PRKG1: variants seen among roughly 807,000 people sequenced by gnomAD.
PRKG1 encodes the protein protein kinase cGMP-dependent 1.
Under a neutral mutation model 88.1 loss-of-function variants are expected in PRKG1, and 35 were observed. The observed-to-expected ratio is 0.40, with a 90% CI of 0.30 to 0.53. PRKG1 has a LOEUF of 0.53. Ranked by LOEUF, PRKG1 falls within the 20% of genes least tolerant of loss-of-function variation. PRKG1 has a pLI of 0.59. For missense variants in PRKG1, 540 were observed against 839.8 expected (o/e 0.64, Z 4.41); for synonymous variants, 303 against 292.5 (o/e 1.04, Z -0.37).
intron 2 of PRKG1, among the ~76,000 whole-genome samples, chr10:51,235,863 A>G (rs1838974135): frequency 6.6e-6 from 1 of 152,354 alleles, no homozygotes; most frequent in East Asian, 1.9e-4. Flanking sequence ...AAAAATAAAA[A>G]AAAAGAGAGA....
intron 5 of PRKG1, among the ~76,000 whole-genome samples, chr10:51,983,803 C>G (rs931238790): frequency 6.6e-6 from 1 of 152,206 alleles, no homozygotes; most frequent in Non-Finnish European, 1.5e-5. Context: ...GCGAGAAGAG[C>G]TTGCGCCTTT....
At chr10:51,844,067 A>G (rs940172241) in intron 4 of PRKG1, among the ~76,000 whole-genome samples, 15 of 152,074 alleles carry the variant, frequency 9.9e-5, no homozygotes, top group Non-Finnish European at 2.2e-4. Flanking sequence ...TATTCTCAGA[A>G]ATGAGTTTTT....
chr10:52,277,275 T>G (rs1295736235), intron 12 of PRKG1, among the ~76,000 whole-genome samples: 1 of 151,988 alleles, frequency 6.6e-6, no homozygotes, highest in Non-Finnish European at 1.5e-5. Context: ...TTCTTCAGAG[T>G]TGATTTGTGG....
intron 3 of PRKG1, among the ~76,000 whole-genome samples, chr10:51,784,190 G>C (rs1297108503): frequency 6.6e-6 from 1 of 152,040 alleles, no homozygotes; most frequent in African/African-American, 2.4e-5. Flanking sequence ...CGGCCCTGCA[G>C]AGTCTCTTAG....
intron 3 of PRKG1, among the ~76,000 whole-genome samples, chr10:51,571,694 G>A (rs1687759212): frequency 6.6e-6 from 1 of 151,900 alleles, no homozygotes; most frequent in South Asian, 2.1e-4. Flanking sequence ...GACACTTAGG[G>A]AATATGAAAT....
At chr10:51,587,631 T>C (rs1175280323) in intron 3 of PRKG1, among the ~76,000 whole-genome samples, 1 of 152,198 alleles carries the variant, frequency 6.6e-6, no homozygotes, top group Non-Finnish European at 1.5e-5. Context: ...GTAGGATTAC[T>C]CTCTAGAGCA....
At chr10:52,248,577 A>T in intron 9 of PRKG1, among the ~76,000 whole-genome samples, 1 of 152,170 alleles carries the variant, frequency 6.6e-6, no homozygotes, top group Non-Finnish European at 1.5e-5. Context: ...AAGACTAGCA[A>T]AGCGTGATTA....
chr10:52,199,614 G>A (rs1310883430), intron 9 of PRKG1, among the ~76,000 whole-genome samples: 3 of 152,062 alleles, frequency 2.0e-5, no homozygotes, highest in Admixed American at 1.3e-4. Context: ...CAGCTTTGCC[G>A]GAGCCCTACA....
intron 3 of PRKG1, among the ~76,000 whole-genome samples, chr10:51,514,298 TTGTC>T (rs754070807): frequency 2.0e-5 from 3 of 152,188 alleles, no homozygotes; most frequent in African/African-American, 4.8e-5. Flanking sequence ...TTTTATTTCT[TTGTC>T]TGGGTCGTGG....
intron 3 of PRKG1, among the ~76,000 whole-genome samples, chr10:51,746,159 C>A (rs2132500638): frequency 6.6e-6 from 1 of 152,282 alleles, no homozygotes; most frequent in South Asian, 2.1e-4. Flanking sequence ...TGAATACAAT[C>A]TTTAAAAGCA....
intron 9 of PRKG1, among the ~76,000 whole-genome samples, chr10:52,174,554 T>C (rs1332446055): frequency 6.6e-6 from 1 of 152,042 alleles, no homozygotes; most frequent in East Asian, 1.9e-4. Context: ...ATTACCGTAC[T>C]TCAAATTTTA....
At chr10:51,319,736 A>G (rs1373066843) in intron 2 of PRKG1, 1 of 152,246 alleles carries the variant, frequency 6.6e-6, no homozygotes, top group Non-Finnish European at 1.5e-5. Context: ...TCAAAAAGAA[A>G]GGTTGCTCTT....
intron 9 of PRKG1, among the ~76,000 whole-genome samples, chr10:52,241,174 G>A (rs530633945): frequency 7.2e-5 from 11 of 152,170 alleles, no homozygotes; most frequent in South Asian, 2.1e-4. Flanking sequence ...CCTGTTTTGC[G>A]TACCAGGAGT....
chr10:51,945,320 C>A, intron 5 of PRKG1, among the ~76,000 whole-genome samples: 1 of 151,048 alleles, frequency 6.6e-6, no homozygotes, highest in East Asian at 2.0e-4. Flanking sequence ...AGATCTTCCT[C>A]CATCCTTTTA....
chr10:51,047,103 G>T (rs1307638233), intron 1 of PRKG1, among the ~76,000 whole-genome samples: 1 of 152,190 alleles, frequency 6.6e-6, no homozygotes, highest in Admixed American at 6.5e-5. Flanking sequence ...CACGTGCATT[G>T]TAGAGTGTTT....
intron 4 of PRKG1, among the ~76,000 whole-genome samples, chr10:51,810,307 G>T (rs1439492742): frequency 2.0e-5 from 3 of 152,150 alleles, no homozygotes; most frequent in African/African-American, 4.8e-5. Context: ...CTGATCATAT[G>T]GTTTGGCCCC....
intron 2 of PRKG1, among the ~76,000 whole-genome samples, chr10:51,390,248 G>T (rs895975799): frequency 2.0e-5 from 3 of 152,170 alleles, no homozygotes; most frequent in Admixed American, 2.0e-4. Context: ...GGAATCACTG[G>T]GTGAGGCTCT....
intron 3 of PRKG1, among the ~76,000 whole-genome samples, chr10:51,469,255 C>G (rs928013974): frequency 6.6e-6 from 1 of 151,654 alleles, no homozygotes; most frequent in Non-Finnish European, 1.5e-5. Context: ...ATAAAAAAGA[C>G]CAGAATAGCA....
intron 1 of PRKG1, among the ~76,000 whole-genome samples, chr10:51,009,765 T>C (rs915291302): frequency 3.3e-5 from 5 of 152,252 alleles, no homozygotes; most frequent in African/African-American, 7.2e-5. Context: ...TTTCTGGGAA[T>C]GGTTTTGGAC....
Sources: allele counts gnomAD v4.1 joint callset (sites outside exome capture counted in the v4.1 genomes callset), GRCh38; gene constraint gnomAD v4.1.1; transcripts MANE v1.5; gene names NCBI Gene and HGNC (gene_info 2026-07-23, HGNC 2026-07-21).